The following GAB2 variants were observed in gnomAD, a reference collection of about 807,000 sequenced individuals.
GAB2 encodes the protein GRB2-associated-binding protein 2.
A neutral mutation model predicts 65.5 loss-of-function variants in GAB2; 26 were observed. The ratio of observed to expected loss-of-function variants is 0.40; its 90% CI spans 0.29 to 0.55. GAB2 has a LOEUF of 0.55. GAB2 is among the 20% of genes least tolerant of loss of function. The probability of loss-of-function intolerance (pLI) is 0.53; values close to 1 mark genes in which losing one functional copy is unlikely to be tolerated. For missense variants in GAB2, 884 were observed against 875.8 expected, an observed-to-expected ratio of 1.01 and a Z score of -0.12; for synonymous variants, 321 against 329.6, an observed-to-expected ratio of 0.97 and a Z score of 0.28.
chr11:78,337,606 C>T (rs929835098), intron 1 of GAB2, among the ~76,000 whole-genome samples: 3 of 152,154 alleles, frequency 2.0e-5, no homozygotes, highest in Admixed American at 1.3e-4. Context: ...AAAAGTCTTC[C>T]CTCATAGAAG....
At chr11:78,242,511 AAAAAAG>A (rs756859596) in intron 3 of GAB2, among the ~76,000 whole-genome samples, 7 of 152,264 alleles carry the variant, frequency 4.6e-5, no homozygotes, top group Admixed American at 2.0e-4. Context: ...CAAAACAAAA[AAAAAAG>A]AAAAAGAATG....
At chr11:78,338,027 T>C (rs148869575) in intron 1 of GAB2, among the ~76,000 whole-genome samples, 6 of 152,290 alleles carry the variant, frequency 3.9e-5, no homozygotes, top group Admixed American at 3.3e-4. Flanking sequence ...ATAAAAACAA[T>C]ACACCATCAA....
At chr11:78,356,384 T>G (rs953699145) in intron 1 of GAB2, among the ~76,000 whole-genome samples, 1 of 152,226 alleles carries the variant, frequency 6.6e-6, no homozygotes, top group Non-Finnish European at 1.5e-5. Flanking sequence ...TTATGTTTTC[T>G]TATAGTATTC....
At chr11:78,359,653 G>A (rs949726634) in intron 1 of GAB2, among the ~76,000 whole-genome samples, 4 of 152,062 alleles carry the variant, frequency 2.6e-5, no homozygotes, top group African/African-American at 4.8e-5. Flanking sequence ...TAAATACATG[G>A]GAAATCTGAA....
At chr11:78,346,633 C>G (rs1856183816) in intron 1 of GAB2, among the ~76,000 whole-genome samples, 2 of 123,522 alleles carry the variant, frequency 1.6e-5, no homozygotes, top group East Asian at 4.9e-4. Context: ...TAATGAGAAG[C>G]AAGAACAGAG....
At position 78,250,160 on chromosome 11, in the gene GAB2, G is replaced by C; in HGVS notation, c.617C>G (p.Ala206Gly). ...AATGGCTGTGGCAGCCTCCTACCTT[G>C]CATTTTCTGCTCTTCGGCTTATGCA... ...HQCISRRAEN[A>G]RSASFSQGTR... The change falls in exon 3 of 10, where the codon GCA becomes GGA. Residue 206 changes from alanine (A) to glycine (G), a missense_variant. Ala to Gly is a moderately conservative substitution (Grantham distance 60). Coordinates refer to ENST00000361507, the MANE Select transcript of GAB2 (RefSeq NM_080491.3). 6.2e-7 allele frequency: 1 copy of C among 1,612,492 alleles called. No individual in the cohort carries two copies. The highest frequency in any genetic ancestry group is 8.5e-7 in the Non-Finnish European group (1 of 1,179,872).
chr11:78,365,550 G>T (rs1269729638), intron 1 of GAB2, among the ~76,000 whole-genome samples: 1 of 152,152 alleles, frequency 6.6e-6, no homozygotes, highest in African/African-American at 2.4e-5. Context: ...GCCCTAAGGA[G>T]GAAGACAGAA....
At chr11:78,299,927 T>C (rs1866945602) in intron 1 of GAB2, among the ~76,000 whole-genome samples, 1 of 152,238 alleles carries the variant, frequency 6.6e-6, no homozygotes, top group Non-Finnish European at 1.5e-5. Flanking sequence ...CCTTTTTTTT[T>C]CTTTTGTTTC....
chr11:78,221,531 A>C (rs1161571869), intron 8 of GAB2, 146 bp downstream of exon 8: 4 of 456,404 alleles, frequency 8.8e-6, no homozygotes, highest in African/African-American at 7.9e-5. Context: ...GGTGCTCAAG[A>C]AGGGTTTGTA....
At chr11:78,300,131 G>C (rs1045138115) in intron 1 of GAB2, among the ~76,000 whole-genome samples, 1 of 151,994 alleles carries the variant, frequency 6.6e-6, no homozygotes, top group South Asian at 2.1e-4. Flanking sequence ...CCCTATCCTG[G>C]TGCCAGGCAA....
At chr11:78,349,303 T>A (rs1342263620) in intron 1 of GAB2, among the ~76,000 whole-genome samples, 1 of 152,208 alleles carries the variant, frequency 6.6e-6, no homozygotes, top group Non-Finnish European at 1.5e-5. Flanking sequence ...TGTATAGAAG[T>A]TGGTGAGAAA....
intron 3 of GAB2, among the ~76,000 whole-genome samples, chr11:78,234,993 G>C (rs1864945164): frequency 1.3e-5 from 2 of 152,040 alleles, no homozygotes; most frequent in Admixed American, 6.6e-5. Context: ...CCGGGAGACA[G>C]AGCGACAGAC....
rs537524150 is a variant in GAB2, at chr11:78,312,558, T to C, written c.76-31657A>G. Among the ~76,000 whole-genome samples the C allele has an allele frequency of 2.6e-3, 394 of 152,310 alleles. 6 individuals carry two copies. Among genetic ancestry groups the C allele is most frequent in the Non-Finnish European group, 6.3e-4 (43 of 68,020 alleles). On this transcript the variant is annotated intron_variant, in intron 1 of 9. Transcript: ENST00000361507. The stretch of plus-strand genomic sequence containing the variant: ...CCCCTGCCTCAGCCTCCCGAGTAGC[T>C]GGGATTACAGGTGCCCACCACCATG...
At chr11:78,367,353 G>A (rs1395679316) in intron 1 of GAB2, among the ~76,000 whole-genome samples, 1 of 152,212 alleles carries the variant, frequency 6.6e-6, no homozygotes, top group Non-Finnish European at 1.5e-5. Context: ...ATGAGTGACT[G>A]GTGTGTGCAT....
chr11:78,414,629 C>T (rs1259598578), intron 1 of GAB2, among the ~76,000 whole-genome samples: 2 of 152,130 alleles, frequency 1.3e-5, no homozygotes, highest in Non-Finnish European at 2.9e-5. Flanking sequence ...TTACTTCTGC[C>T]GGCCTCCCAC....
chr11:78,366,123 C>T (rs2134722400), intron 1 of GAB2, among the ~76,000 whole-genome samples: 1 of 152,316 alleles, frequency 6.6e-6, no homozygotes, highest in South Asian at 2.1e-4. Flanking sequence ...AAACTCAATT[C>T]AATGCAAACA....
intron 1 of GAB2, among the ~76,000 whole-genome samples, chr11:78,355,807 T>C (rs1026447337): frequency 3.3e-5 from 5 of 151,898 alleles, no homozygotes; most frequent in African/African-American, 1.2e-4. Context: ...ACTGAGGTTC[T>C]TGATGTCACA....
At chr11:78,388,398 G>A (rs1358851404) in intron 1 of GAB2, among the ~76,000 whole-genome samples, 1 of 150,746 alleles carries the variant, frequency 6.6e-6, no homozygotes, top group African/African-American at 2.4e-5. Context: ...ATGATCACAC[G>A]TCACTGCAGC....
intron 1 of GAB2, among the ~76,000 whole-genome samples, chr11:78,373,726 T>A (rs1017190690): frequency 1.3e-5 from 2 of 152,210 alleles, no homozygotes; most frequent in Non-Finnish European, 2.9e-5. Context: ...ACTGGATTAA[T>A]GTAGTCATTG....
Sources: gnomAD v4.1 joint callset for allele counts (sites outside exome capture counted in the v4.1 genomes callset) on GRCh38, gnomAD v4.1.1 for gene constraint, MANE v1.5 for transcripts, NCBI Gene and HGNC (gene_info 2026-07-23, HGNC 2026-07-21) for gene names.